The following RPS24 variants were observed in gnomAD, a reference collection of about 807,000 sequenced individuals.
RPS24 encodes small ribosomal subunit protein eS24.
For synonymous variants in RPS24, 72 were observed against 55.6 expected, an observed-to-expected ratio of 1.30 and a Z score of -1.31; for missense variants, 100 against 162.5, an observed-to-expected ratio of 0.62 and a Z score of 2.09.
chr10:78,040,345 A>G (rs570724444), intron 5 of RPS24, 120 bp downstream of exon 5: 2 of 912,978 alleles, frequency 2.2e-6, no homozygotes, highest in African/African-American at 1.7e-5. Context: ...AATATTCTGA[A>G]GAGTTGTAAC....
At chr10:78,048,353 T>C (rs1332624637) in intron 4 of RPS24, among the ~76,000 whole-genome samples, 2 of 152,170 alleles carry the variant, frequency 1.3e-5, no homozygotes, top group African/African-American at 4.8e-5. Context: ...AAAAATACAT[T>C]GCCTCGGAGG....
intron 1 of RPS24, 122 bp from the exon 2 acceptor site, chr10:78,035,230 C>T (rs1847837084): frequency 2.0e-6 from 2 of 977,824 alleles, no homozygotes; most frequent in Admixed American, 3.6e-5. Flanking sequence ...GTTTTATTTA[C>T]TTTAGTTCGC....
rs1431392118 is a variant in RPS24, at chr10:78,053,148, C to T, written c.391-1383C>T. Among the ~76,000 whole-genome samples the T allele has an allele frequency of 6.1e-5, 9 of 148,216 alleles. No homozygotes were observed. In the East Asian group the frequency reaches 8.0e-4, roughly 13 times the overall value. ...AGGCTGGGCAACAAGAGTGAAATTC[C>T]GTCTCAAAAAAACAAACAAAAACAA... On this transcript the variant is annotated intron_variant, in intron 4 of 4. Coordinates refer to the RPS24 transcript ENST00000440692.
At position 78,033,891 on chromosome 10, in the gene RPS24, A is replaced by G. The variant is rs1465463366; in HGVS notation, c.-11A>G. ...TTTTCCTCCTTGGCTGTCTGAAGAT[A>G]GATCGCCATCATGGTGAGTCTCCCT... On this transcript the variant is annotated 5_prime_UTR_variant, in exon 1 of 6. The change creates a new upstream start codon in the 5' untranslated region. Transcript: ENST00000372360. The G allele has an allele frequency of 1.2e-6, 2 of 1,614,122 alleles. No individual in the cohort carries two copies. Among genetic ancestry groups the G allele is most frequent in the Non-Finnish European group, 8.5e-7 (1 of 1,180,002 alleles).
chr10:78,036,624 T>A (rs1338403719), intron 3 of RPS24: 1 of 155,296 alleles, frequency 6.4e-6, no homozygotes, highest in African/African-American at 2.4e-5. Context: ...TATTTTTAAC[T>A]GACGTTCGGT....
At chr10:78,054,509 TC>T (rs1848131021) in intron 4 of RPS24, 1 of 1,515,552 alleles carries the variant, frequency 6.6e-7, no homozygotes, top group African/African-American at 1.4e-5. Context: ...CTGAGACTAT[TC>T]TCTCCTTCCC....
downstream of RPS24, among the ~76,000 whole-genome samples, chr10:78,043,771 G>A (rs1250643147): frequency 6.6e-6 from 1 of 152,184 alleles, no homozygotes; most frequent in Non-Finnish European, 1.5e-5. Flanking sequence ...GGGAGGCTGG[G>A]TCTTGGAAGG....
At chr10:78,051,401 C>T (rs1279920039) in intron 4 of RPS24, among the ~76,000 whole-genome samples, 2 of 152,162 alleles carry the variant, frequency 1.3e-5, no homozygotes, top group Non-Finnish European at 2.9e-5. Context: ...GTGCTATGTC[C>T]ACACCGTAGC....
At chr10:78,054,642 G>A in exon 5 of RPS24, 3 of 1,551,726 alleles carry the variant, frequency 1.9e-6, no homozygotes, top group Non-Finnish European at 2.6e-6. Context: ...TGTGTGGCAG[G>A]TAGAAGTGCC....
chr10:78,041,116 C>T (rs1020401538), downstream of RPS24, among the ~76,000 whole-genome samples: 1 of 152,016 alleles, frequency 6.6e-6, no homozygotes. Context: ...CTGGCATGAG[C>T]GACCACGTCT....
chr10:78,041,299 T>A (rs1453642661), downstream of RPS24, among the ~76,000 whole-genome samples: 1 of 152,160 alleles, frequency 6.6e-6, no homozygotes, highest in Non-Finnish European at 1.5e-5. Context: ...GGAGAAAAGA[T>A]GGTCACAGCC....
At chr10:78,042,212 AG>A (rs1396995819), downstream of RPS24, among the ~76,000 whole-genome samples, 1 of 152,226 alleles carries the variant, frequency 6.6e-6, no homozygotes, top group Non-Finnish European at 1.5e-5. Flanking sequence ...CTGTTGGGAC[AG>A]GTATTCTCTG....
intron 4 of RPS24, among the ~76,000 whole-genome samples, chr10:78,051,593 A>T (rs1175363298): frequency 3.9e-5 from 6 of 152,222 alleles, no homozygotes; most frequent in Non-Finnish European, 8.8e-5. Flanking sequence ...TCTTGGGTAT[A>T]TACCTCGGGG....
intron 4 of RPS24, chr10:78,049,273 A>G (rs1848076178): frequency 1.3e-5 from 2 of 152,170 alleles, no homozygotes; most frequent in Admixed American, 1.3e-4. Context: ...CCTGCTGTTC[A>G]GTTCATTGCC....
At chr10:78,035,820 G>A (rs1258672698) in intron 3 of RPS24, 100 bp downstream of exon 3, 2 of 935,154 alleles carry the variant, frequency 2.1e-6, no homozygotes, top group African/African-American at 1.6e-5. Context: ...AGCAATCTGG[G>A]ATACAACTCT....
At chr10:78,049,847 C>T (rs1366183886) in intron 4 of RPS24, among the ~76,000 whole-genome samples, 1 of 152,206 alleles carries the variant, frequency 6.6e-6, no homozygotes, top group African/African-American at 2.4e-5. Flanking sequence ...TCTCCTGCAA[C>T]ACCTAATAAC....
At chr10:78,046,623 G>A (rs2131990307) in intron 4 of RPS24, among the ~76,000 whole-genome samples, 1 of 152,204 alleles carries the variant, frequency 6.6e-6, no homozygotes, top group African/African-American at 2.4e-5. Flanking sequence ...CCAAAGTGCT[G>A]GGATTACAGG....
At chr10:78,054,735 A>C in exon 5 of RPS24, 1 of 1,551,674 alleles carries the variant, frequency 6.4e-7, no homozygotes, top group Non-Finnish European at 8.7e-7. Context: ...CTGGAGGAAG[A>C]CTGAAAACAG....
At chr10:78,039,964 C>T in intron 4 of RPS24, 1 of 592,878 alleles carries the variant, frequency 1.7e-6, no homozygotes, top group Non-Finnish European at 3.1e-6. Context: ...TGAAGTCCGG[C>T]TACCTCGTTT....
Sources: gnomAD v4.1 joint callset for allele counts (sites outside exome capture counted in the v4.1 genomes callset) on GRCh38, gnomAD v4.1.1 for gene constraint, MANE v1.5 for transcripts, NCBI Gene and HGNC (gene_info 2026-07-23, HGNC 2026-07-21) for gene names.